NEBL: variants seen among roughly 807,000 people sequenced by gnomAD.
NEBL encodes the protein LIM and SH3 protein 2.
Under a neutral mutation model 140.2 loss-of-function variants are expected in NEBL, and 122 were observed. That is an observed-to-expected ratio of 0.87 (90% confidence interval 0.75 to 1.01). The LOEUF is 1.01. NEBL is among the 50% of genes least tolerant of loss of function. NEBL has a pLI of 0.00. For synonymous variants in NEBL, 436 were observed against 398.9 expected, an observed-to-expected ratio of 1.09 and a Z score of -1.11; for missense variants, 1,365 against 1,231.3, an observed-to-expected ratio of 1.11 and a Z score of -1.62.
At chr10:21,091,250 G>A (rs1326284061) in intron 2 of NEBL, among the ~76,000 whole-genome samples, 1 of 152,164 alleles carries the variant, frequency 6.6e-6, no homozygotes, top group Non-Finnish European at 1.5e-5. Context: ...ATTGTTGGGG[G>A]CCGGAGGTTG....
At chr10:21,157,023 G>A (rs1435068693) in intron 2 of NEBL, among the ~76,000 whole-genome samples, 1 of 152,114 alleles carries the variant, frequency 6.6e-6, no homozygotes, top group East Asian at 1.9e-4. Context: ...CAATCTATCA[G>A]AGAACAATTT....
At position 20,819,474 on chromosome 10, in the gene NEBL, T is replaced by A. The variant is rs572539655; in HGVS notation, c.2005A>T (p.Met669Leu). ...CTCACTCTCTCTATCTCCGGGGTCA[T>A]GCTTACCGGAGTGGCCTTGTAGTTT... ...EQNYKATPVS[M>L]TPEIERVRRN... Residue 669 changes from methionine (M) to leucine (L), a missense_variant, in exon 20 of 28, where the codon ATG becomes TTG. Coordinates refer to ENST00000377122, the MANE Select transcript of NEBL (RefSeq NM_006393.3). 2 of 1,614,092 alleles carry A rather than the reference T, an allele frequency of 1.2e-6. No individual in the cohort carries two copies. Among genetic ancestry groups the A allele is most frequent in the South Asian group, 2.2e-5 (2 of 91,084 alleles).
chr10:21,056,735 G>T (rs961610709), intron 2 of NEBL, among the ~76,000 whole-genome samples: 10 of 152,190 alleles, frequency 6.6e-5, no homozygotes, highest in African/African-American at 2.4e-4. Flanking sequence ...CTGTATGGAT[G>T]CATCTCAAAA....
chr10:20,881,680 C>T (rs1308227818), intron 4 of NEBL, among the ~76,000 whole-genome samples: 1 of 152,204 alleles, frequency 6.6e-6, no homozygotes, highest in Admixed American at 6.5e-5. Context: ...TCTTCCCTTA[C>T]TAAACACAAC....
chr10:21,152,674 ACATCAAGTAATATTATACTT>A (rs1267354371), intron 2 of NEBL, among the ~76,000 whole-genome samples: 11 of 152,350 alleles, frequency 7.2e-5, no homozygotes, highest in African/African-American at 2.6e-4. Flanking sequence ...GCCCAATTGT[ACATCAAGTAATATTATACTT>A]GGTTCAAGCA....
chr10:20,957,693 C>T (rs1313387812), intron 4 of NEBL, among the ~76,000 whole-genome samples: 3 of 152,096 alleles, frequency 2.0e-5, no homozygotes, highest in Non-Finnish European at 2.9e-5. Flanking sequence ...GTCAAGAACA[C>T]GCAGAAATCC....
intron 2 of NEBL, chr10:21,126,298 A>G: frequency 1.6e-6 from 1 of 638,174 alleles, no homozygotes; most frequent in South Asian, 2.1e-5. Flanking sequence ...AAGTATAGAA[A>G]TGTTTATATT....
At chr10:20,927,756 A>T (rs1833983622) in intron 4 of NEBL, among the ~76,000 whole-genome samples, 1 of 152,188 alleles carries the variant, frequency 6.6e-6, no homozygotes, top group Non-Finnish European at 1.5e-5. Context: ...TTCAAATCCC[A>T]GTTTTGCAGC....
At chr10:20,787,072 G>T in intron 27 of NEBL, 130 bp downstream of exon 27, 1 of 839,082 alleles carries the variant, frequency 1.2e-6, no homozygotes, top group South Asian at 1.4e-5. Context: ...TGTATAAATG[G>T]CAACACATCA....
At chr10:21,083,707 TG>T (rs1836491634) in intron 2 of NEBL, among the ~76,000 whole-genome samples, 1 of 151,980 alleles carries the variant, frequency 6.6e-6, no homozygotes, top group African/African-American at 2.4e-5. Context: ...TAGCCAGGCG[TG>T]GTTGCGTGCA....
At chr10:20,904,445 A>G (rs180793344) in intron 4 of NEBL, among the ~76,000 whole-genome samples, 8 of 152,304 alleles carry the variant, frequency 5.3e-5, no homozygotes, top group Admixed American at 4.6e-4. Context: ...AAATTCTTTA[A>G]TGATGCAAGT....
chr10:21,081,660 A>T (rs945800692), intron 2 of NEBL, among the ~76,000 whole-genome samples: 8 of 152,198 alleles, frequency 5.3e-5, no homozygotes, highest in Non-Finnish European at 1.2e-4. Flanking sequence ...GTTCTTCACT[A>T]AAAGGAATCA....
intron 4 of NEBL, among the ~76,000 whole-genome samples, chr10:20,921,983 A>G (rs1833610165): frequency 6.6e-6 from 1 of 152,258 alleles, no homozygotes; most frequent in African/African-American, 2.4e-5. Flanking sequence ...TTTTATGTGA[A>G]AATGCACTTT....
At chr10:20,794,040 T>C (rs1321110734) in intron 26 of NEBL, among the ~76,000 whole-genome samples, 4 of 152,206 alleles carry the variant, frequency 2.6e-5, no homozygotes, top group Non-Finnish European at 4.4e-5. Flanking sequence ...TGTTTGAACC[T>C]GGGCCTCGGG....
intron 12 of NEBL, among the ~76,000 whole-genome samples, chr10:20,844,107 T>TGTC (rs1841666118): frequency 6.6e-6 from 1 of 152,118 alleles, no homozygotes; most frequent in Non-Finnish European, 1.5e-5. Context: ...CTTATAGAAA[T>TGTC]TACATGTCTA....
intron 2 of NEBL, among the ~76,000 whole-genome samples, chr10:21,032,577 AT>A (rs1377632336): frequency 2.6e-5 from 4 of 152,184 alleles, no homozygotes; most frequent in African/African-American, 9.7e-5. Context: ...CAATTTTATA[AT>A]TTTTTTAAAA....
rs762640283 is a variant in NEBL at position 20,845,406 on chromosome 10, T to C, written c.1117-38A>G. On this transcript the variant is annotated intron_variant, in intron 11 of 27. Coordinates refer to ENST00000377122, the MANE Select transcript of NEBL (RefSeq NM_006393.3). ...ACCACATAATTTTAAAGTTAGCAAATATCAGTGACCATTGAAAAGAGATTT... is the reference window on the plus strand; with the variant it reads ...ACCACATAATTTTAAAGTTAGCAAACATCAGTGACCATTGAAAAGAGATTT... 3.2e-6 allele frequency: 4 copies of C among 1,239,120 alleles called. No homozygotes were observed. The East Asian group carries it at 7.0e-5, about 22-fold the overall frequency. The allele number at this position is 1,239,120 out of a possible 1,614,324, so 76.8% of individuals were successfully genotyped here. A position where few individuals can be genotyped will look rare whatever the true frequency, so the allele number is the denominator to read the frequency against.
At chr10:21,160,933 T>C (rs1407942953) in intron 2 of NEBL, among the ~76,000 whole-genome samples, 4 of 152,022 alleles carry the variant, frequency 2.6e-5, no homozygotes, top group Non-Finnish European at 5.9e-5. Flanking sequence ...CATGGTTCAC[T>C]CCTAGGACTT....
At chr10:21,191,858 C>T (rs1444997331) in intron 3 of NEBL, among the ~76,000 whole-genome samples, 4 of 152,162 alleles carry the variant, frequency 2.6e-5, no homozygotes, top group Non-Finnish European at 5.9e-5. Context: ...AAAAGCTTCC[C>T]CAACTTCTAA....
Sources: allele counts gnomAD v4.1 joint callset (sites outside exome capture counted in the v4.1 genomes callset), GRCh38; gene constraint gnomAD v4.1.1; transcripts MANE v1.5; gene names NCBI Gene and HGNC (gene_info 2026-07-23, HGNC 2026-07-21).